The following ULK4 variants were observed in gnomAD, a reference collection of about 807,000 sequenced individuals.
The protein encoded by ULK4 is unc-51 like kinase 4.
In ULK4, 133 loss-of-function variants were observed where a neutral mutation model predicts 160.6. The observed-to-expected ratio is 0.83, with a 90% CI of 0.72 to 0.96. The LOEUF is 0.96. Among genes scored for constraint, ULK4 ranks in the 40% least tolerant of loss-of-function variants. The pLI is 0.00. For synonymous variants in ULK4, 534 were observed against 539.8 expected, an observed-to-expected ratio of 0.99 and a Z score of 0.15; for missense variants, 1,580 against 1,499.5, an observed-to-expected ratio of 1.05 and a Z score of -0.89.
chr3:41,264,207 T>C (rs2078991887), intron 35 of ULK4, among the ~76,000 whole-genome samples: 1 of 152,178 alleles, frequency 6.6e-6, no homozygotes, highest in African/African-American at 2.4e-5. Context: ...TTTTTAAAGG[T>C]TGCAGAAGCA....
chr3:41,903,617 A>G (rs553888351), intron 12 of ULK4, among the ~76,000 whole-genome samples: 1 of 151,796 alleles, frequency 6.6e-6, no homozygotes, highest in South Asian at 2.1e-4. Flanking sequence ...AAGATGAGTA[A>G]GGTGGACCAA....
intron 31 of ULK4, among the ~76,000 whole-genome samples, chr3:41,568,756 C>T (rs1393275336): frequency 6.6e-6 from 1 of 152,160 alleles, no homozygotes; most frequent in African/African-American, 2.4e-5. Context: ...ATCGATTCTG[C>T]AGCTGACACA....
chr3:41,750,550 C>T (rs962229285), intron 22 of ULK4, among the ~76,000 whole-genome samples: 3 of 152,230 alleles, frequency 2.0e-5, no homozygotes, highest in Admixed American at 6.5e-5. Flanking sequence ...TTTAATATTG[C>T]GTTTCAAAGC....
chr3:41,844,247 G>A (rs1293764994), intron 17 of ULK4, among the ~76,000 whole-genome samples: 2 of 152,264 alleles, frequency 1.3e-5, no homozygotes, highest in East Asian at 3.9e-4. Flanking sequence ...GACTCGGGCT[G>A]CACAGGAGCC....
chr3:41,729,507 G>C (rs2037757756), intron 22 of ULK4, among the ~76,000 whole-genome samples: 1 of 152,162 alleles, frequency 6.6e-6, no homozygotes. Context: ...AATAGCCACT[G>C]TATCTCCCCA....
chr3:41,692,508 T>A (rs896679851), intron 27 of ULK4, among the ~76,000 whole-genome samples: 1 of 151,764 alleles, frequency 6.6e-6, no homozygotes, highest in Non-Finnish European at 1.5e-5. Flanking sequence ...ACGTTATATA[T>A]TTATATATAC....
intron 32 of ULK4, among the ~76,000 whole-genome samples, chr3:41,500,718 T>G (rs1037799690): frequency 1.3e-5 from 2 of 152,154 alleles, no homozygotes; most frequent in African/African-American, 2.4e-5. Context: ...CTGGAATGAT[T>G]TGGAGATTAC....
intron 32 of ULK4, among the ~76,000 whole-genome samples, chr3:41,554,085 A>G (rs1691991): frequency 0.51 from 77,633 of 151,942 alleles, 19,951 homozygotes; most frequent in Middle Eastern, 0.57. Context: ...AACATGTGAA[A>G]TTTGTCTTCC....
intron 25 of ULK4, among the ~76,000 whole-genome samples, chr3:41,708,073 A>G (rs556500771): frequency 1.3e-4 from 20 of 152,272 alleles, no homozygotes; most frequent in African/African-American, 4.8e-4. Context: ...GGGAATGTAA[A>G]CTAGTACAGC....
intron 27 of ULK4, among the ~76,000 whole-genome samples, chr3:41,692,245 C>T (rs150041475): frequency 1.1e-3 from 163 of 148,574 alleles, no homozygotes; most frequent in African/African-American, 3.8e-3. Context: ...GCCACCGCGC[C>T]GGCCCATTAA....
chr3:41,291,433 A>AG (rs1308143728), intron 35 of ULK4, among the ~76,000 whole-genome samples: 15 of 1,694 alleles, frequency 8.9e-3, no homozygotes, highest in Admixed American at 0.031. Context: ...AGAGAGAAGG[A>AG]GAGAGAAGGA....
chr3:41,472,278 G>C (rs971135778), intron 32 of ULK4, among the ~76,000 whole-genome samples: 1 of 151,994 alleles, frequency 6.6e-6, no homozygotes, highest in Non-Finnish European at 1.5e-5. Context: ...TAAAGAAAAA[G>C]AAAATCTGGG....
intron 22 of ULK4, among the ~76,000 whole-genome samples, chr3:41,738,218 A>T (rs2038121651): frequency 6.6e-6 from 1 of 152,014 alleles, no homozygotes; most frequent in African/African-American, 2.4e-5. Flanking sequence ...ATGACAGCAG[A>T]TCATCCAAAA....
intron 22 of ULK4, among the ~76,000 whole-genome samples, chr3:41,743,684 G>C (rs113326333): frequency 0.012 from 1,789 of 151,316 alleles, 74 homozygotes; most frequent in African/African-American, 0.041. Context: ...TTTCTTTTTT[G>C]AGAGGGAGCC....
intron 12 of ULK4, among the ~76,000 whole-genome samples, chr3:41,902,534 C>A (rs185458973): frequency 2.0e-5 from 3 of 146,902 alleles, no homozygotes; most frequent in Non-Finnish European, 4.5e-5. Flanking sequence ...GCCGAGATTG[C>A]GCCATCGCAC....
At chr3:41,954,102 C>T (rs1315264251) in intron 2 of ULK4, among the ~76,000 whole-genome samples, 1 of 149,196 alleles carries the variant, frequency 6.7e-6, no homozygotes, top group Non-Finnish European at 1.5e-5. Flanking sequence ...GGCGTGAACC[C>T]GGGAGGCACA....
At chr3:41,898,313 G>T in intron 14 of ULK4, 119 bp downstream of exon 14, 1 of 635,370 alleles carries the variant, frequency 1.6e-6, no homozygotes, top group Middle Eastern at 3.9e-4. Flanking sequence ...CAAGAATATA[G>T]CCAATTGTCA....
chr3:41,623,881 G>A (rs2125694363), intron 30 of ULK4, among the ~76,000 whole-genome samples: 1 of 152,186 alleles, frequency 6.6e-6, no homozygotes, highest in South Asian at 2.1e-4. Context: ...TAATTAGTCT[G>A]ATTTACTCAC....
At chr3:41,928,817 T>A (rs1699480505) in intron 5 of ULK4, among the ~76,000 whole-genome samples, 1 of 152,060 alleles carries the variant, frequency 6.6e-6, no homozygotes, top group South Asian at 2.1e-4. Context: ...AATAGACCAG[T>A]AACAAGTTCT....
Sources: gnomAD v4.1 joint callset for allele counts (sites outside exome capture counted in the v4.1 genomes callset) on GRCh38, gnomAD v4.1.1 for gene constraint, MANE v1.5 for transcripts, NCBI Gene and HGNC (gene_info 2026-07-23, HGNC 2026-07-21) for gene names.